The following TYW3 variants were observed in gnomAD, a reference collection of about 807,000 sequenced individuals.
TYW3 encodes tRNA wybutosine-synthesizing protein 3 homolog.
Under a neutral mutation model 23.1 loss-of-function variants are expected in TYW3, and 26 were observed. The ratio of observed to expected loss-of-function variants is 1.13; its 90% CI spans 0.83 to 1.56. The LOEUF is 1.56. Ranked by LOEUF, TYW3 falls within the 40% of genes most tolerant of loss-of-function variation. The probability of loss-of-function intolerance (pLI) is 0.00; values close to 1 mark genes in which losing one functional copy is unlikely to be tolerated. For synonymous variants in TYW3, 102 were observed against 105.7 expected (o/e 0.97, Z 0.21); for missense variants, 316 against 311.9 (o/e 1.01, Z -0.10).
intron 5 of TYW3, among the ~76,000 whole-genome samples, chr1:74,757,126 G>T (rs941479885): frequency 6.6e-6 from 1 of 152,230 alleles, no homozygotes. Context: ...GGCCCTCATG[G>T]AGAACCTCTG....
At chr1:74,748,727 G>GT in intron 3 of TYW3, 24 bp from the exon 4 acceptor site, 1 of 1,608,220 alleles carries the variant, frequency 6.2e-7, no homozygotes, top group South Asian at 1.1e-5. Flanking sequence ...GTATCAAAAT[G>GT]TAACAAGTTT....
intron 3 of TYW3, among the ~76,000 whole-genome samples, chr1:74,742,675 GT>G (rs1449859330): frequency 6.6e-6 from 1 of 152,194 alleles, no homozygotes; most frequent in African/African-American, 2.4e-5. Context: ...TTTACACTGT[GT>G]GTAGTAACTC....
chr1:74,748,667 T>C, intron 3 of TYW3, 84 bp from the exon 4 acceptor site: 1 of 1,360,142 alleles, frequency 7.4e-7, no homozygotes, highest in Non-Finnish European at 1.0e-6. Flanking sequence ...TTTAGGGTTA[T>C]ATATGTTTCT....
intron 1 of TYW3, among the ~76,000 whole-genome samples, chr1:74,734,366 G>A (rs572502166): frequency 6.6e-6 from 1 of 152,138 alleles, no homozygotes; most frequent in Non-Finnish European, 1.5e-5. Flanking sequence ...CACAGTGCTT[G>A]TGTTCAAGTA....
chr1:74,740,445 C>T (rs924149889), intron 3 of TYW3, among the ~76,000 whole-genome samples: 1 of 152,240 alleles, frequency 6.6e-6, no homozygotes, highest in Admixed American at 6.5e-5. Flanking sequence ...TGGAAGGGGA[C>T]TCAAGTGGGT....
chr1:74,741,589 T>A (rs1648364708), intron 3 of TYW3, among the ~76,000 whole-genome samples: 1 of 150,592 alleles, frequency 6.6e-6, no homozygotes, highest in African/African-American at 2.4e-5. Flanking sequence ...GAAACAACTC[T>A]GTTCCCTTTT....
rs1295111054 is a variant in TYW3 at position 74,765,807 on chromosome 1, A to G, written c.*1694A>G. On this transcript the variant is annotated 3_prime_UTR_variant, in exon 6 of 6. Transcript: ENST00000370867. ...GAAAACTATGTATTTTAAAGATTCCATAAACTGAATATATGAATGAGAATT... is the reference window on the plus strand; with the variant it reads ...GAAAACTATGTATTTTAAAGATTCCGTAAACTGAATATATGAATGAGAATT... The G allele has an allele frequency of 2.6e-5, 4 of 152,156 alleles. No homozygotes were observed. Among genetic ancestry groups the G allele is most frequent in the African/African-American group, 4.8e-5 (2 of 41,452 alleles). 9.4% of individuals were successfully genotyped at this position (152,156 alleles called of 1,614,324 possible).
chr1:74,759,375 T>C (rs1024958270), intron 5 of TYW3, among the ~76,000 whole-genome samples: 2 of 129,048 alleles, frequency 1.5e-5, no homozygotes, highest in African/African-American at 5.9e-5. Context: ...TTTTCTTTTC[T>C]TTTTTTTTTT....
chr1:74,755,713 G>C (rs1002037281), intron 5 of TYW3, among the ~76,000 whole-genome samples: 11 of 152,168 alleles, frequency 7.2e-5, no homozygotes, highest in African/African-American at 2.7e-4. Flanking sequence ...ATCAAAGAAA[G>C]CATATTGGAA....
Position 74,752,330 on chromosome 1 carries a change from C to T in TYW3, c.465C>T (p.Ser155=). ...RSTHGLEVPL[S]HKGKLMVTEE... is the part of the protein sequence containing the mutation. ...CACATGGCTTAGAAGTTCCATTAAGCCATAAGGGAAAACTGATGGTGACAG... is the reference window on the plus strand; with the variant it reads ...CACATGGCTTAGAAGTTCCATTAAGTCATAAGGGAAAACTGATGGTGACAG... Residue 155 remains serine, a synonymous_variant, in exon 5 of 6, where the codon AGC becomes AGT. Transcript: ENST00000370867. The T allele has an allele frequency of 6.2e-7, 1 of 1,612,306 alleles. No individual in the cohort carries two copies. The highest frequency in any genetic ancestry group is 8.5e-7 in the Non-Finnish European group (1 of 1,179,080).
At chr1:74,749,539 A>G (rs1467889174) in intron 4 of TYW3, among the ~76,000 whole-genome samples, 1 of 152,128 alleles carries the variant, frequency 6.6e-6, no homozygotes, top group Non-Finnish European at 1.5e-5. Context: ...TTGGCATGGC[A>G]TGTTTTTGAA....
chr1:74,733,447 C>T (rs1410047649), intron 1 of TYW3, 29 bp downstream of exon 1: 2 of 1,611,948 alleles, frequency 1.2e-6, no homozygotes, highest in Non-Finnish European at 8.5e-7. Context: ...TGTCCATCGC[C>T]TGCCTTCTAG....
chr1:74,739,606 A>G (rs1443163654), intron 3 of TYW3, among the ~76,000 whole-genome samples: 1 of 152,216 alleles, frequency 6.6e-6, no homozygotes, highest in Non-Finnish European at 1.5e-5. Context: ...AAGGTGCCAG[A>G]AGGAGGCTGG....
chr1:74,752,634 G>A (rs935625543), intron 5 of TYW3, among the ~76,000 whole-genome samples: 1 of 152,244 alleles, frequency 6.6e-6, no homozygotes, highest in African/African-American at 2.4e-5. Context: ...TGGAGCATAC[G>A]GGAGAGGCTC....
chr1:74,743,341 C>G (rs1046633074), intron 3 of TYW3, among the ~76,000 whole-genome samples: 3 of 152,048 alleles, frequency 2.0e-5, no homozygotes, highest in Non-Finnish European at 4.4e-5. Context: ...CTCTTGGTCT[C>G]TATTATAGAA....
At chr1:74,739,528 G>T (rs1421091740) in intron 3 of TYW3, among the ~76,000 whole-genome samples, 2 of 152,216 alleles carry the variant, frequency 1.3e-5, no homozygotes, top group East Asian at 1.9e-4. Context: ...GCATGTAGCT[G>T]GGAAATGAAC....
At chr1:74,757,872 G>A (rs1202872913) in intron 5 of TYW3, among the ~76,000 whole-genome samples, 1 of 152,116 alleles carries the variant, frequency 6.6e-6, no homozygotes, top group African/African-American at 2.4e-5. Context: ...TCCTGCACAA[G>A]CTCACTTTTC....
chr1:74,733,218 C>G lies in TYW3; in HGVS notation c.-27C>G, dbSNP rs758414713. ...AGAGACGAGGCTACCATGAAGGAGCCGAGCGCAGACCCTGAGTCCGTCACC... is the reference window on the plus strand; with the variant it reads ...AGAGACGAGGCTACCATGAAGGAGCGGAGCGCAGACCCTGAGTCCGTCACC... On this transcript the variant is annotated 5_prime_UTR_variant, in exon 1 of 6. Coordinates refer to ENST00000370867, the MANE Select transcript of TYW3 (RefSeq NM_138467.3). 9 of 1,611,000 alleles carry G rather than the reference C, an allele frequency of 5.6e-6. No individual in the cohort carries two copies. Among genetic ancestry groups the G allele is most frequent in the Non-Finnish European group, 5.1e-6 (6 of 1,178,378 alleles).
intron 3 of TYW3, among the ~76,000 whole-genome samples, chr1:74,741,841 G>T (rs1557743484): frequency 6.6e-6 from 1 of 152,166 alleles, no homozygotes; most frequent in Non-Finnish European, 1.5e-5. Flanking sequence ...GTTTTCTTAA[G>T]TGCCTCTTGA....
Sources: allele counts gnomAD v4.1 joint callset (sites outside exome capture counted in the v4.1 genomes callset), GRCh38; gene constraint gnomAD v4.1.1; transcripts MANE v1.5; gene names NCBI Gene and HGNC (gene_info 2026-07-23, HGNC 2026-07-21).